Variants in PCDHA3 observed in about 807,000 individuals in gnomAD.
PCDHA3 encodes protocadherin alpha 3.
A neutral mutation model predicts 62.2 loss-of-function variants in PCDHA3; 41 were observed. The observed-to-expected ratio is 0.66, with a 90% CI of 0.51 to 0.86. The LOEUF (loss-of-function observed/expected upper bound fraction) is 0.86. PCDHA3 is among the 40% of genes least tolerant of loss of function. PCDHA3 has a pLI of 0.00. For synonymous variants in PCDHA3, 640 were observed against 555.4 expected, an observed-to-expected ratio of 1.15 and a Z score of -2.14; for missense variants, 1,304 against 1,241.2, an observed-to-expected ratio of 1.05 and a Z score of -0.76.
intron 1 of PCDHA3, among the ~76,000 whole-genome samples, chr5:140,909,844 C>T (rs572833280): frequency 7.9e-5 from 12 of 152,276 alleles, no homozygotes; most frequent in African/African-American, 2.4e-4. Context: ...ACCACCAGGA[C>T]GTTTTCGGTC....
chr5:140,967,610 T>A, intron 1 of PCDHA3: 1 of 1,614,108 alleles, frequency 6.2e-7, no homozygotes, highest in Non-Finnish European at 8.5e-7. Context: ...GCTGAATGCC[T>A]CAGACCCGGA....
chr5:140,851,098 T>G lies in PCDHA3; in HGVS notation c.2394+47507T>G, dbSNP rs922217993. ...TAAACTGTATATTAAATAGATATTT[T>G]TTGGGTGCTGAATCAATTTTATTTA... On this transcript the variant is annotated intron_variant, in intron 1 of 3. Transcript: ENST00000522353. The G allele has an allele frequency of 1.5e-6, 2 of 1,293,414 alleles. 1 individual carries two copies. The highest frequency in any genetic ancestry group is 3.1e-5 in the African/African-American group (2 of 65,490). 80.1% of individuals were successfully genotyped at this position (1,293,414 alleles called of 1,614,324 possible).
At chr5:140,807,705 G>T in intron 1 of PCDHA3, 2 of 1,614,218 alleles carry the variant, frequency 1.2e-6, no homozygotes, top group Non-Finnish European at 1.7e-6. Context: ...TACAGACTGA[G>T]CCCAAATGAA....
intron 1 of PCDHA3, among the ~76,000 whole-genome samples, chr5:140,971,432 A>G (rs1446143040): frequency 6.6e-6 from 1 of 152,226 alleles, no homozygotes; most frequent in African/African-American, 2.4e-5. Context: ...AAGAACCCCA[A>G]GATCTACAGC....
Position 140,850,922 on chromosome 5 carries a change from A to G in PCDHA3, c.2394+47331A>G, listed in dbSNP as rs1228404686. 21 of 1,525,242 alleles carry G rather than the reference A, an allele frequency of 1.4e-5. 3 individuals are homozygous for G. Among genetic ancestry groups the G allele is most frequent in the Non-Finnish European group, 1.9e-5 (21 of 1,134,594 alleles). The allele number at this position is 1,525,242 out of a possible 1,614,324, so 94.5% of individuals were successfully genotyped here. A position where few individuals can be genotyped will look rare whatever the true frequency, so the allele number is the denominator to read the frequency against. ...TTTCTAGCATTTTATTTATTTATATAATTTTTTTTCTTGAAAGATATTATC... is the reference window on the plus strand; with the variant it reads ...TTTCTAGCATTTTATTTATTTATATGATTTTTTTTCTTGAAAGATATTATC... On this transcript the variant is annotated intron_variant, in intron 1 of 3. Transcript: ENST00000522353.
intron 1 of PCDHA3, chr5:140,928,541 AC>A: frequency 3.7e-6 from 6 of 1,614,192 alleles, no homozygotes; most frequent in Non-Finnish European, 5.1e-6. Context: ...GATAGGAATG[AC>A]AATTATCCGG....
At chr5:140,875,377 A>G in intron 1 of PCDHA3, 1 of 1,457,802 alleles carries the variant, frequency 6.9e-7, no homozygotes, top group Non-Finnish European at 9.0e-7. Context: ...TTTACTAAAT[A>G]TGTACTTACA....
At chr5:140,912,441 G>A (rs1460671133) in intron 1 of PCDHA3, among the ~76,000 whole-genome samples, 2 of 151,478 alleles carry the variant, frequency 1.3e-5, no homozygotes, top group Non-Finnish European at 2.9e-5. Flanking sequence ...GCTGATTTGT[G>A]TGCATTGATT....
chr5:140,883,887 C>G (rs782749190), intron 1 of PCDHA3: 1 of 1,613,348 alleles, frequency 6.2e-7, no homozygotes, highest in South Asian at 1.1e-5. Flanking sequence ...GCGCGCGACT[C>G]TGGCGTGCCG....
In PCDHA3 at chr5:141,011,549, GA is replaced by G. The variant is rs2098421039; in HGVS notation, c.*1615del. Reference sequence around the variant, plus strand: ...CCATTGTTAATCAGCTTTTGTGTATGAAAGACACAGTAAAATTTCTTTCTTA... The same window carrying G: ...CCATTGTTAATCAGCTTTTGTGTATGAAGACACAGTAAAATTTCTTTCTTA... On this transcript the variant is annotated 3_prime_UTR_variant, in exon 4 of 4. Coordinates refer to ENST00000522353, the MANE Select transcript of PCDHA3 (RefSeq NM_018906.3). 1 of 153,674 alleles carries G rather than the reference GA, an allele frequency of 6.5e-6. No individual in the cohort carries two copies. Among genetic ancestry groups the G allele is most frequent in the Non-Finnish European group, 1.5e-5 (1 of 68,008 alleles). The allele number at this position is 153,674 out of a possible 1,614,324, so 9.5% of individuals were successfully genotyped here. A position where few individuals can be genotyped will look rare whatever the true frequency, so the allele number is the denominator to read the frequency against.
chr5:140,836,849 A>G, intron 1 of PCDHA3: 3 of 822,610 alleles, frequency 3.6e-6, no homozygotes, highest in Non-Finnish European at 3.7e-6. Context: ...ATGTATAATT[A>G]TTATTTTTTA....
intron 1 of PCDHA3, chr5:140,828,283 C>T: frequency 1.2e-6 from 2 of 1,614,118 alleles, no homozygotes; most frequent in Non-Finnish European, 8.5e-7. Context: ...CGCGCCTGTT[C>T]AGGATGGCCT....
chr5:140,927,440 C>G (rs782460713), intron 1 of PCDHA3: 2 of 1,614,168 alleles, frequency 1.2e-6, no homozygotes, highest in East Asian at 4.5e-5. Flanking sequence ...AGCGAATACC[C>G]GGAGTTGGTG....
chr5:140,971,973 A>G (rs1554233757), intron 1 of PCDHA3, among the ~76,000 whole-genome samples: 1 of 152,218 alleles, frequency 6.6e-6, no homozygotes, highest in South Asian at 2.1e-4. Flanking sequence ...TTTCAATACT[A>G]TGAGTAGACA....
At chr5:140,807,372 G>T (rs2149996852) in intron 1 of PCDHA3, 1 of 1,607,576 alleles carries the variant, frequency 6.2e-7, no homozygotes, top group East Asian at 2.2e-5. Flanking sequence ...CTGGTGCCGC[G>T]CCTGTTCCGG....
intron 1 of PCDHA3, chr5:140,842,411 C>A (rs2150335386): frequency 1.9e-6 from 3 of 1,612,732 alleles, no homozygotes; most frequent in Non-Finnish European, 2.5e-6. Context: ...TGAAGACGCT[C>A]AATTTGGTAC....
intron 1 of PCDHA3, chr5:140,968,785 T>G: frequency 6.2e-7 from 1 of 1,614,226 alleles, no homozygotes; most frequent in Non-Finnish European, 8.5e-7. Flanking sequence ...TATCAGCCTC[T>G]GTGGCCATTA....
At chr5:140,973,492 T>C (rs2096590680) in intron 1 of PCDHA3, among the ~76,000 whole-genome samples, 1 of 152,192 alleles carries the variant, frequency 6.6e-6, no homozygotes, top group African/African-American at 2.4e-5. Context: ...GTCACAGGAC[T>C]CTTCTTCTGA....
chr5:140,960,993 A>G (rs1053601284), intron 1 of PCDHA3, among the ~76,000 whole-genome samples: 1 of 152,140 alleles, frequency 6.6e-6, no homozygotes, highest in Non-Finnish European at 1.5e-5. Context: ...AAAATGCTCA[A>G]TTTGCTGCTG....
Sources: gnomAD v4.1 joint callset for allele counts (sites outside exome capture counted in the v4.1 genomes callset) on GRCh38, gnomAD v4.1.1 for gene constraint, MANE v1.5 for transcripts, NCBI Gene and HGNC (gene_info 2026-07-23, HGNC 2026-07-21) for gene names.